The following ZNF619 variants were observed in gnomAD, a reference collection of about 807,000 sequenced individuals.
ZNF619 encodes zinc finger protein 619.
ZNF619 carries 9 observed loss-of-function variants against 14.2 expected under a neutral mutation model. The ratio of observed to expected loss-of-function variants is 0.64; its 90% confidence interval spans 0.38 to 1.11. The LOEUF is 1.11. Ranked by LOEUF, ZNF619 falls within the 50% of genes least tolerant of loss-of-function variation. ZNF619 has a pLI of 0.01. For missense variants in ZNF619, 659 were observed against 680.1 expected (o/e 0.97, Z 0.34); for synonymous variants, 246 against 252.8 (o/e 0.97, Z 0.26).
chr3:40,487,135 T>C lies in ZNF619; in HGVS notation c.625T>C (p.Cys209Arg). 3 of 1,614,130 alleles carry C rather than the reference T, an allele frequency of 1.9e-6. No homozygotes were observed. Among genetic ancestry groups the C allele is most frequent in the Non-Finnish European group, 2.5e-6 (3 of 1,180,040 alleles). ...ACAGGTGTTTTATAAATGTGGTGAG[T>C]GTGGCAGTTACTACAACCCACATTC... ...KEQVFYKCGE[C>R]GSYYNPHSDF... Residue 209 changes from cysteine to arginine, a missense_variant, in exon 5 of 5, where the codon TGT becomes CGT. Transcript: ENST00000432264.
chr3:40,490,442 C>T lies in ZNF619; in HGVS notation c.*2201C>T, dbSNP rs1439000892. Among the ~76,000 whole-genome samples, 2 of 152,056 alleles carry T rather than the reference C, an allele frequency of 1.3e-5. No homozygotes were observed. Among genetic ancestry groups the T allele is most frequent in the East Asian group, 3.9e-4 (2 of 5,192 alleles). On this transcript the variant is annotated 3_prime_UTR_variant, in exon 5 of 5. Transcript: ENST00000432264. ...AATGGAGCATTAAGGGTGATTTTGGCCAAGGCTTAGAAGAGAAGACTAGGG... is the reference window on the plus strand; with the variant it reads ...AATGGAGCATTAAGGGTGATTTTGGTCAAGGCTTAGAAGAGAAGACTAGGG...
At chr3:40,486,707 A>C (rs1697590737) in intron 4 of ZNF619, 99 bp from the exon 5 acceptor site, 1 of 984,134 alleles carries the variant, frequency 1.0e-6, no homozygotes. Flanking sequence ...ACTCAAAAAA[A>C]AAAAAAAATT....
At position 40,487,015 on chromosome 3, in the gene ZNF619, G is replaced by A. The variant is rs145939023; in HGVS notation, c.505G>A (p.Glu169Lys). 1.2e-5 allele frequency: 19 copies of A among 1,614,154 alleles called. No homozygotes were observed. In the East Asian group the frequency reaches 4.0e-4, roughly 34 times the overall value. ...DCTDLTVQDH[E>K]SSTTEREEIA... ...CACAGATTTGACAGTCCAGGATCATGAATCTTCCACCACTGAAAGGGAGGA... is the reference window on the plus strand; with the variant it reads ...CACAGATTTGACAGTCCAGGATCATAAATCTTCCACCACTGAAAGGGAGGA... Residue 169 changes from glutamate (E) to lysine (K), a missense_variant, in exon 5 of 5, where the codon GAA becomes AAA. By Grantham distance (56) the Glu-to-Lys change is moderately conservative (BLOSUM62 1). Transcript: ENST00000432264.
At position 40,489,941 on chromosome 3, in the gene ZNF619, C is replaced by A. The variant is rs1302890001; in HGVS notation, c.*1700C>A. On this transcript the variant is annotated 3_prime_UTR_variant, in exon 5 of 5. Transcript: ENST00000432264. ...ATTGCTATTGTTTGAATATCCCCAG[C>A]AAAATTCTTGTTGAAACTTAATCCC... 6.6e-6 allele frequency: 1 copy of A among 152,164 alleles called. No individual in the cohort carries two copies. The highest frequency in any genetic ancestry group is 6.5e-5 in the Admixed American group (1 of 15,278). 9.4% of individuals were successfully genotyped at this position (152,164 alleles called of 1,614,324 possible). A position where few individuals can be genotyped will look rare whatever the true frequency, so the allele number is the denominator to read the frequency against.
At chr3:40,480,747 G>A (rs142158452) in intron 2 of ZNF619, among the ~76,000 whole-genome samples, 140 of 152,158 alleles carry the variant, frequency 9.2e-4, no homozygotes, top group African/African-American at 3.2e-3. Flanking sequence ...CGATCTGCCC[G>A]CCTCGGCCTC....
Position 40,486,792 on chromosome 3 carries a change from T to C in ZNF619, c.296-14T>C. 6.4e-7 allele frequency: 1 copy of C among 1,556,848 alleles called. No individual in the cohort carries two copies. Among genetic ancestry groups the C allele is most frequent in the South Asian group, 1.2e-5 (1 of 81,868 alleles). ...TAAATAAGGGACTTTTATGTTTTCT[T>C]TTTATCATGCTAGGTGGTAAAACCA... On this transcript the variant is annotated splice_polypyrimidine_tract_variant and intron_variant, in intron 4 of 4. Coordinates refer to ENST00000432264, the MANE Select transcript of ZNF619 (RefSeq NM_001145093.4).
intron 2 of ZNF619, among the ~76,000 whole-genome samples, chr3:40,478,910 G>A (rs1697290355): frequency 6.6e-6 from 1 of 152,134 alleles, no homozygotes; most frequent in Non-Finnish European, 1.5e-5. Context: ...TGCTGTGGGG[G>A]TATGCTGTGC....
At position 40,488,322 on chromosome 3, in the gene ZNF619, C is replaced by A; in HGVS notation, c.*81C>A. On this transcript the variant is annotated 3_prime_UTR_variant, in exon 5 of 5. Transcript: ENST00000432264. ...CCTGATTGTGTCTATTGATATTCCT[C>A]TGGTCTTGTCTTGTATAAGTTGTTA... is the stretch of plus-strand genomic sequence containing the variant. 2.7e-6 allele frequency: 2 copies of A among 733,190 alleles called. No individual in the cohort carries two copies. Among genetic ancestry groups the A allele is most frequent in the Non-Finnish European group, 2.4e-6 (1 of 421,710 alleles). 45.4% of individuals were successfully genotyped at this position (733,190 alleles called of 1,614,324 possible). A position where few individuals can be genotyped will look rare whatever the true frequency, so the allele number is the denominator to read the frequency against.
At chr3:40,484,573 G>A (rs899448513) in intron 4 of ZNF619, among the ~76,000 whole-genome samples, 2 of 152,186 alleles carry the variant, frequency 1.3e-5, no homozygotes, top group African/African-American at 4.8e-5. Context: ...TTCAGATCAT[G>A]TAGGGGCTTT....
At chr3:40,486,311 A>G (rs970672506) in intron 4 of ZNF619, among the ~76,000 whole-genome samples, 1 of 152,148 alleles carries the variant, frequency 6.6e-6, no homozygotes, top group Non-Finnish European at 1.5e-5. Context: ...TTTGTCATCC[A>G]TGTGGGATTG....
In ZNF619 at chr3:40,481,866, T is replaced by C. The variant is rs1185018174; in HGVS notation, c.28T>C (p.Leu10=). Residue 10 remains leucine (L), a synonymous_variant, in exon 3 of 5, where the codon TTG becomes CTG. Coordinates refer to ENST00000432264, the MANE Select transcript of ZNF619 (RefSeq NM_001145093.4). The part of the protein sequence containing the change: MLQTVWFQG[L]GRNLLFQEPV... ...CTCTCCCTCTGTTCTTGTGCAGGGCTTGGGCAGGAACCTGTTGTTTCAGGA... is the reference window on the plus strand; with the variant it reads ...CTCTCCCTCTGTTCTTGTGCAGGGCCTGGGCAGGAACCTGTTGTTTCAGGA... The C allele has an allele frequency of 1.2e-6, 2 of 1,602,868 alleles. No homozygotes were observed. Among genetic ancestry groups the C allele is most frequent in the East Asian group, 4.5e-5 (2 of 44,862 alleles).
intron 4 of ZNF619, among the ~76,000 whole-genome samples, chr3:40,483,322 G>A (rs1412314674): frequency 3.4e-5 from 5 of 147,238 alleles, no homozygotes; most frequent in Admixed American, 6.8e-5. Context: ...ATGGAGTCTC[G>A]CTTTGTTGCC....
chr3:40,480,416 T>C (rs1433669897), intron 2 of ZNF619, among the ~76,000 whole-genome samples: 5 of 152,166 alleles, frequency 3.3e-5, no homozygotes, highest in Non-Finnish European at 7.4e-5. Context: ...AATATTCTGC[T>C]TCTCATCAAA....
chr3:40,486,919 C>T lies in ZNF619; in HGVS notation c.409C>T (p.Pro137Ser). ...ACTGCTGATGGACGTTCCCCAGCAC[C>T]CTGACTTCAAGGACAGGTTAGAGAA... is the stretch of plus-strand genomic sequence containing the variant. ...EGLLMDVPQH[P>S]DFKDRLEKSQ... Residue 137 changes from proline (P) to serine (S), a missense_variant, in exon 5 of 5, where the codon CCT becomes TCT. Coordinates refer to ENST00000432264, the MANE Select transcript of ZNF619 (RefSeq NM_001145093.4). 1.9e-6 allele frequency: 3 copies of T among 1,614,086 alleles called. No homozygotes were observed. The highest frequency in any genetic ancestry group is 1.7e-6 in the Non-Finnish European group (2 of 1,180,028).
At chr3:40,482,259 A>G in intron 3 of ZNF619, 2 of 1,551,880 alleles carry the variant, frequency 1.3e-6, no homozygotes, top group Non-Finnish European at 1.7e-6. Context: ...TCCTCTGGAT[A>G]CAGAGAGAAC....
At position 40,487,429 on chromosome 3, in the gene ZNF619, C is replaced by G; in HGVS notation, c.919C>G (p.Gln307Glu). The change falls in exon 5 of 5, where the codon CAG (glutamine) becomes GAG (glutamate). Residue 307 changes from glutamine to glutamate, a missense_variant. Gln to Glu is a conservative substitution (Grantham distance 29). Transcript: ENST00000432264. ...FSYNSKLIRH[Q>E]RIHTGEKPFK... is the part of the protein sequence containing the mutation. ...TTATAATTCAAAACTGATTCGGCATCAGAGAATCCATACTGGGGAGAAGCC... is the reference window on the plus strand; with the variant it reads ...TTATAATTCAAAACTGATTCGGCATGAGAGAATCCATACTGGGGAGAAGCC... The G allele has an allele frequency of 6.2e-7, 1 of 1,614,220 alleles. No individual in the cohort carries two copies. The highest frequency in any genetic ancestry group is 8.5e-7 in the Non-Finnish European group (1 of 1,180,038).
chr3:40,478,881 TC>T (rs1224818940), intron 2 of ZNF619, among the ~76,000 whole-genome samples: 2 of 152,182 alleles, frequency 1.3e-5, no homozygotes, highest in Non-Finnish European at 2.9e-5. Context: ...AAAAATTCAT[TC>T]CTACAAGTCA....
chr3:40,480,944 G>A (rs1476921885), intron 2 of ZNF619, among the ~76,000 whole-genome samples: 1 of 152,088 alleles, frequency 6.6e-6, no homozygotes, highest in Non-Finnish European at 1.5e-5. Context: ...ATATAAAAGT[G>A]GTCAGTTCAT....
intron 4 of ZNF619, among the ~76,000 whole-genome samples, chr3:40,485,836 G>A (rs780737897): frequency 9.9e-5 from 15 of 152,070 alleles, no homozygotes; most frequent in South Asian, 2.1e-4. Context: ...CCATACCCCC[G>A]CTCCAATTGC....
Sources: gnomAD v4.1 joint callset for allele counts (sites outside exome capture counted in the v4.1 genomes callset) on GRCh38, gnomAD v4.1.1 for gene constraint, MANE v1.5 for transcripts, NCBI Gene and HGNC (gene_info 2026-07-23, HGNC 2026-07-21) for gene names.